MAPKAP1: variants seen among roughly 807,000 people sequenced by gnomAD.
The protein encoded by MAPKAP1 is MAPK associated protein 1.
MAPKAP1 carries 20 observed loss-of-function variants against 65.7 expected under a neutral mutation model. The ratio of observed to expected loss-of-function variants is 0.30; its 90% CI spans 0.21 to 0.44. The LOEUF is 0.44. Among genes scored for constraint, MAPKAP1 ranks in the 20% least tolerant of loss-of-function variants. MAPKAP1 has a pLI of 1.00. For missense variants in MAPKAP1, 423 were observed against 648.0 expected, an observed-to-expected ratio of 0.65 and a Z score of 3.77; for synonymous variants, 222 against 244.3, an observed-to-expected ratio of 0.91 and a Z score of 0.85.
At chr9:125,635,287 C>A (rs1405550199) in intron 4 of MAPKAP1, among the ~76,000 whole-genome samples, 2 of 152,132 alleles carry the variant, frequency 1.3e-5, no homozygotes, top group East Asian at 3.8e-4. Flanking sequence ...TGGCACAAGC[C>A]CCTTTTCAGA....
chr9:125,683,021 C>T (rs1423787087), intron 1 of MAPKAP1, among the ~76,000 whole-genome samples: 4 of 149,712 alleles, frequency 2.7e-5, no homozygotes, highest in Non-Finnish European at 4.4e-5. Flanking sequence ...TGCAATGGTG[C>T]GATCTCAGCT....
chr9:125,506,213 G>T, intron 8 of MAPKAP1, 97 bp downstream of exon 8: 1 of 1,007,436 alleles, frequency 9.9e-7, no homozygotes. Flanking sequence ...CTTCAAATCT[G>T]CCTAGGGAAA....
chr9:125,612,391 T>A (rs547025004), intron 4 of MAPKAP1, among the ~76,000 whole-genome samples: 2 of 152,258 alleles, frequency 1.3e-5, no homozygotes, highest in South Asian at 4.2e-4. Context: ...ACAGCTTCTG[T>A]ACAAATTCTT....
intron 9 of MAPKAP1, 48 bp from the exon 10 acceptor site, chr9:125,468,157 T>C: frequency 1.3e-6 from 2 of 1,585,098 alleles, no homozygotes; most frequent in Non-Finnish European, 1.7e-6. Flanking sequence ...AAGTAGAAGG[T>C]GTAAGTGATT....
At chr9:125,577,119 T>C (rs1454833741) in intron 5 of MAPKAP1, among the ~76,000 whole-genome samples, 6 of 148,790 alleles carry the variant, frequency 4.0e-5, no homozygotes, top group Non-Finnish European at 8.9e-5. Flanking sequence ...GTGAGGAGCG[T>C]CTCTGCCCGG....
chr9:125,643,823 T>C lies in MAPKAP1; in HGVS notation c.498+13828A>G, dbSNP rs146857341. On this transcript the variant is annotated intron_variant, in intron 4 of 11. Coordinates refer to ENST00000265960, the MANE Select transcript of MAPKAP1 (RefSeq NM_001006617.3). ...ATTACCCTCCAGAAAACTTCGCCAA[T>C]TTTTGGTCTTGCCAACATGGGAAAT... is the stretch of plus-strand genomic sequence containing the variant. Among the ~76,000 whole-genome samples the C allele has an allele frequency of 4.2e-3, 640 of 152,324 alleles. 6 individuals are homozygous for C. Among genetic ancestry groups the C allele is most frequent in the African/African-American group, 0.015 (612 of 41,568 alleles).
chr9:125,559,877 G>T, intron 5 of MAPKAP1, 68 bp from the exon 6 acceptor site: 1 of 1,469,340 alleles, frequency 6.8e-7, no homozygotes. Flanking sequence ...CAGAGGGTAT[G>T]GTGCACAGCA....
Position 125,438,868 on chromosome 9 carries a change from T to C in MAPKAP1, c.*19A>G, listed in dbSNP as rs1257717196. On this transcript the variant is annotated 3_prime_UTR_variant, in exon 12 of 12. Transcript: ENST00000265960. ...GGCAGGCTCTGAGCTACGGAACAGA[T>C]TGAGGCTGGAGGCCAGTGTCACTGC... is the stretch of plus-strand genomic sequence containing the variant. The C allele has an allele frequency of 6.2e-7, 1 of 1,614,034 alleles. No homozygotes were observed. Among genetic ancestry groups the C allele is most frequent in the Non-Finnish European group, 8.5e-7 (1 of 1,179,944 alleles).
At chr9:125,496,120 A>C (rs1374144400) in intron 8 of MAPKAP1, among the ~76,000 whole-genome samples, 2 of 152,184 alleles carry the variant, frequency 1.3e-5, no homozygotes, top group Non-Finnish European at 2.9e-5. Flanking sequence ...TGAGGCCCAC[A>C]AAGAAGGAGG....
At chr9:125,508,379 G>A (rs192859759) in intron 7 of MAPKAP1, among the ~76,000 whole-genome samples, 1 of 152,252 alleles carries the variant, frequency 6.6e-6, no homozygotes, top group African/African-American at 2.4e-5. Flanking sequence ...CTTTAGTCTA[G>A]CAGAGGAAAG....
intron 1 of MAPKAP1, among the ~76,000 whole-genome samples, chr9:125,675,507 C>T (rs1834618357): frequency 6.6e-6 from 1 of 152,200 alleles, no homozygotes; most frequent in African/African-American, 2.4e-5. Flanking sequence ...CAGATATCTT[C>T]TCTATTAGGA....
intron 7 of MAPKAP1, among the ~76,000 whole-genome samples, chr9:125,511,824 T>C (rs1216550983): frequency 1.3e-5 from 2 of 152,152 alleles, no homozygotes; most frequent in African/African-American, 2.4e-5. Context: ...CCGCATACCC[T>C]CCATTTCACA....
intron 4 of MAPKAP1, among the ~76,000 whole-genome samples, chr9:125,651,551 A>G (rs1344980309): frequency 6.6e-6 from 1 of 152,204 alleles, no homozygotes; most frequent in Non-Finnish European, 1.5e-5. Context: ...GGCTGCAGTG[A>G]GCTGAGATGG....
At chr9:125,698,291 ATAT>A (rs1835465943) in intron 1 of MAPKAP1, among the ~76,000 whole-genome samples, 4 of 2,070 alleles carry the variant, frequency 1.9e-3, no homozygotes, top group African/African-American at 5.1e-3. Flanking sequence ...ATATATAAAT[ATAT>A]ATATATATAT....
chr9:125,555,973 C>T (rs1395944991), intron 6 of MAPKAP1, among the ~76,000 whole-genome samples: 2 of 152,182 alleles, frequency 1.3e-5, no homozygotes, highest in Non-Finnish European at 1.5e-5. Context: ...TCAAGAAATA[C>T]GTGTGACAGA....
chr9:125,660,870 T>C (rs1036320271), intron 3 of MAPKAP1, among the ~76,000 whole-genome samples: 3 of 152,200 alleles, frequency 2.0e-5, no homozygotes, highest in African/African-American at 7.2e-5. Context: ...ATATGAGTCT[T>C]TTGAAATACA....
intron 5 of MAPKAP1, among the ~76,000 whole-genome samples, chr9:125,581,623 T>G (rs1205034830): frequency 1.3e-5 from 2 of 152,258 alleles, no homozygotes; most frequent in African/African-American, 4.8e-5. Flanking sequence ...TTCCTTTCAG[T>G]GTGTAGCTTG....
intron 5 of MAPKAP1, among the ~76,000 whole-genome samples, chr9:125,577,288 G>A (rs1231885184): frequency 3.4e-5 from 5 of 148,974 alleles, no homozygotes; most frequent in South Asian, 2.1e-4. Context: ...CCCAGCAGCC[G>A]TCCCGTCTGA....
At chr9:125,571,343 C>A (rs1313049609) in intron 5 of MAPKAP1, among the ~76,000 whole-genome samples, 2 of 152,038 alleles carry the variant, frequency 1.3e-5, no homozygotes, top group South Asian at 4.1e-4. Flanking sequence ...TTGTTTTAAT[C>A]CTCTTTAGAA....
Sources: gnomAD v4.1 joint callset for allele counts (sites outside exome capture counted in the v4.1 genomes callset) on GRCh38, gnomAD v4.1.1 for gene constraint, MANE v1.5 for transcripts, NCBI Gene and HGNC (gene_info 2026-07-23, HGNC 2026-07-21) for gene names.